Variants in SPRED1 observed in about 807,000 individuals in gnomAD.
SPRED1 encodes sprouty-related, EVH1 domain-containing protein 1.
A neutral mutation model predicts 52.3 loss-of-function variants in SPRED1; 18 were observed. The ratio of observed to expected loss-of-function variants is 0.34; its 90% CI spans 0.24 to 0.51. SPRED1 has a LOEUF of 0.51. SPRED1 is among the 20% of genes least tolerant of loss of function. The pLI, the probability that SPRED1 is intolerant of heterozygous loss-of-function variation, is 0.97. For synonymous variants in SPRED1, 155 were observed against 179.7 expected (o/e 0.86, Z 1.10); for missense variants, 485 against 551.0 (o/e 0.88, Z 1.20).
intron 5 of SPRED1, among the ~76,000 whole-genome samples, chr15:38,344,974 G>A (rs1896102459): frequency 6.6e-6 from 1 of 152,190 alleles, no homozygotes; most frequent in African/African-American, 2.4e-5. Flanking sequence ...GCAGTAGACT[G>A]TAGCTATACA....
At chr15:38,340,717 G>T (rs1896011424) in intron 5 of SPRED1, among the ~76,000 whole-genome samples, 2 of 151,916 alleles carry the variant, frequency 1.3e-5, no homozygotes, top group Admixed American at 6.6e-5. Flanking sequence ...GTAGTTATTA[G>T]TAGAGATGAG....
chr15:38,356,331 G>A lies in SPRED1; in HGVS notation c.*4667G>A, dbSNP rs2141020069. On this transcript the variant is annotated 3_prime_UTR_variant, in exon 7 of 7. Transcript: ENST00000299084. ...ATATAATGTAAATAATACATTATAA[G>A]TTTGTAACCATTTCTGTTACTTCAT... 1 of 152,206 alleles carries A rather than the reference G, an allele frequency of 6.6e-6. No homozygotes were observed. The highest frequency in any genetic ancestry group is 1.5e-5 in the Non-Finnish European group (1 of 67,978). The allele number at this position is 152,206 out of a possible 1,614,324, so 9.4% of individuals were successfully genotyped here.
chr15:38,350,588 T>C (rs11852478), intron 6 of SPRED1, among the ~76,000 whole-genome samples: 125,236 of 152,100 alleles, frequency 0.82, 52,369 homozygotes, highest in Non-Finnish European at 0.9. Flanking sequence ...ACATAACCCA[T>C]TCCAGCATCA....
intron 5 of SPRED1, among the ~76,000 whole-genome samples, chr15:38,343,421 AAGACAGG>A (rs1469331117): frequency 6.6e-6 from 1 of 152,158 alleles, no homozygotes; most frequent in Non-Finnish European, 1.5e-5. Context: ...GGAGACTGTA[AAGACAGG>A]AGAATTGCAT....
chr15:38,255,163 T>C (rs1894068122), intron 1 of SPRED1, among the ~76,000 whole-genome samples: 1 of 152,214 alleles, frequency 6.6e-6, no homozygotes. Context: ...TGTATAGTGA[T>C]AGTGCGTTCC....
At position 38,353,255 on chromosome 15, in the gene SPRED1, A is replaced by G. The variant is rs1888534420; in HGVS notation, c.*1591A>G. 6.6e-6 allele frequency: 1 copy of G among 152,488 alleles called. No individual in the cohort carries two copies. The highest frequency in any genetic ancestry group is 1.5e-5 in the Non-Finnish European group (1 of 67,932). The allele number at this position is 152,488 out of a possible 1,614,324, so 9.4% of individuals were successfully genotyped here. A position where few individuals can be genotyped will look rare whatever the true frequency, so the allele number is the denominator to read the frequency against. ...CATTTATGTATCATTCTTTTTATATATCACACTTAAGCTTGTGTTAGCTTT... is the reference window on the plus strand; with the variant it reads ...CATTTATGTATCATTCTTTTTATATGTCACACTTAAGCTTGTGTTAGCTTT... On this transcript the variant is annotated 3_prime_UTR_variant, in exon 7 of 7. Transcript: ENST00000299084.
rs1761176881 is a variant in SPRED1, at chr15:38,291,309, T to C, written c.33-8064T>C. Among the ~76,000 whole-genome samples, 5 of 152,336 alleles carry C rather than the reference T, an allele frequency of 3.3e-5. No homozygotes were observed. In the South Asian group the frequency reaches 1.0e-3, roughly 32 times the overall value. On this transcript the variant is annotated intron_variant, in intron 1 of 6. Transcript: ENST00000299084. ...CCATGTGGTTTTGTAGGGTACAGCC[T>C]CCTCCTGGCTGCTTTCACAGGCTGA...
chr15:38,267,411 A>G (rs1894331955), intron 1 of SPRED1, among the ~76,000 whole-genome samples: 1 of 152,196 alleles, frequency 6.6e-6, no homozygotes, highest in Admixed American at 6.5e-5. Context: ...ATAAATTTAC[A>G]GGAGTGGGAT....
intron 1 of SPRED1, among the ~76,000 whole-genome samples, chr15:38,295,864 C>T (rs1895025785): frequency 6.6e-6 from 1 of 152,024 alleles, no homozygotes; most frequent in Non-Finnish European, 1.5e-5. Flanking sequence ...TCACAAGTTT[C>T]ATACATGCAT....
chr15:38,261,155 CATTT>C (rs1894196483), intron 1 of SPRED1, among the ~76,000 whole-genome samples: 1 of 152,150 alleles, frequency 6.6e-6, no homozygotes, highest in Non-Finnish European at 1.5e-5. Context: ...CCAGAAATGT[CATTT>C]AATCTCTGCC....
chr15:38,273,827 G>A (rs1487742989), intron 1 of SPRED1, among the ~76,000 whole-genome samples: 1 of 152,104 alleles, frequency 6.6e-6, no homozygotes, highest in Non-Finnish European at 1.5e-5. Context: ...GAACACGGTG[G>A]TGGTTCCCGA....
intron 1 of SPRED1, among the ~76,000 whole-genome samples, chr15:38,298,108 G>C (rs1895075183): frequency 6.6e-6 from 1 of 152,100 alleles, no homozygotes; most frequent in African/African-American, 2.4e-5. Context: ...CACATGAAAA[G>C]ATGCTCAACA....
chr15:38,356,603 C>G lies in SPRED1; in HGVS notation c.*4939C>G, dbSNP rs1377606331. The G allele has an allele frequency of 6.6e-6, 1 of 151,964 alleles. No homozygotes were observed. The highest frequency in any genetic ancestry group is 1.5e-5 in the Non-Finnish European group (1 of 67,930). The allele number at this position is 151,964 out of a possible 1,614,324, so 9.4% of individuals were successfully genotyped here. On this transcript the variant is annotated 3_prime_UTR_variant, in exon 7 of 7. Transcript: ENST00000299084. ...AACTGAAAGTTCACATATAGTTCAT[C>G]TTAATAACATATTTATTCATCCTTA...
Position 38,349,498 on chromosome 15 carries a change from G to A in SPRED1, c.659G>A (p.Cys220Tyr), listed in dbSNP as rs1896209096. Residue 220 changes from cysteine (C) to tyrosine (Y), a missense_variant, in exon 6 of 7, where the codon TGT (cysteine) becomes TAT (tyrosine). Cys to Tyr is a radical substitution (Grantham distance 194). Transcript: ENST00000299084. ...EYVQRQISKE[C>Y]GSLKSQNRVP... ...GTACAGCGGCAAATATCCAAGGAAT[G>A]TGGAAGCCTAAAGTCCCAAAATAGG... 6.2e-7 allele frequency: 1 copy of A among 1,612,314 alleles called. No homozygotes were observed. Among genetic ancestry groups the A allele is most frequent in the Non-Finnish European group, 8.5e-7 (1 of 1,178,720 alleles).
intron 6 of SPRED1, among the ~76,000 whole-genome samples, chr15:38,350,363 G>C (rs1481147914): frequency 1.3e-5 from 2 of 152,068 alleles, no homozygotes; most frequent in Non-Finnish European, 2.9e-5. Flanking sequence ...AAAACAGTCA[G>C]ATTGGATTAA....
chr15:38,294,088 C>T (rs1894982293), intron 1 of SPRED1, among the ~76,000 whole-genome samples: 1 of 152,140 alleles, frequency 6.6e-6, no homozygotes, highest in Non-Finnish European at 1.5e-5. Context: ...TGTCTGCATT[C>T]TACATAGTTT....
chr15:38,287,491 C>G (rs1894834459), intron 1 of SPRED1, among the ~76,000 whole-genome samples: 1 of 152,086 alleles, frequency 6.6e-6, no homozygotes, highest in Admixed American at 6.6e-5. Flanking sequence ...GTCCATATAT[C>G]CCATTACTGC....
At chr15:38,286,395 C>T (rs952548499) in intron 1 of SPRED1, among the ~76,000 whole-genome samples, 1 of 151,976 alleles carries the variant, frequency 6.6e-6, no homozygotes, top group Admixed American at 6.6e-5. Context: ...CTCTATCTAA[C>T]CACTATATTG....
intron 1 of SPRED1, among the ~76,000 whole-genome samples, chr15:38,254,253 T>A (rs1894045369): frequency 6.6e-6 from 1 of 152,226 alleles, no homozygotes; most frequent in Non-Finnish European, 1.5e-5. Context: ...TACAGTGCAT[T>A]ACTAAAGTCA....
Sources: gnomAD v4.1 joint callset for allele counts (sites outside exome capture counted in the v4.1 genomes callset) on GRCh38, gnomAD v4.1.1 for gene constraint, MANE v1.5 for transcripts, NCBI Gene and HGNC (gene_info 2026-07-23, HGNC 2026-07-21) for gene names.